CCSER1: variants seen among roughly 807,000 people sequenced by gnomAD.
The protein encoded by CCSER1 is serine-rich coiled-coil domain-containing protein 1.
A neutral mutation model predicts 82.0 loss-of-function variants in CCSER1; 41 were observed. The ratio of observed to expected loss-of-function variants is 0.50; its 90% CI spans 0.39 to 0.65. CCSER1 has a LOEUF of 0.65. CCSER1 is among the 30% of genes least tolerant of loss of function. The probability of loss-of-function intolerance (pLI) is 0.00; values close to 1 mark genes in which losing one functional copy is unlikely to be tolerated. For missense variants in CCSER1, 1,119 were observed against 1,064.2 expected (o/e 1.05, Z -0.72); for synonymous variants, 414 against 383.9 (o/e 1.08, Z -0.92).
intron 1 of CCSER1, among the ~76,000 whole-genome samples, chr4:90,219,554 A>T (rs900130420): frequency 1.3e-5 from 2 of 152,112 alleles, no homozygotes; most frequent in Middle Eastern, 3.4e-3. Context: ...ACTTACCTAA[A>T]CCCTAGTCCC....
At chr4:90,783,975 A>G (rs529069227) in intron 7 of CCSER1, among the ~76,000 whole-genome samples, 3 of 152,170 alleles carry the variant, frequency 2.0e-5, no homozygotes, top group Non-Finnish European at 4.4e-5. Context: ...ACTTACAAAA[A>G]AAAAGAAAAA....
chr4:90,346,581 A>G (rs1433840503), intron 3 of CCSER1, among the ~76,000 whole-genome samples: 2 of 152,024 alleles, frequency 1.3e-5, no homozygotes, highest in African/African-American at 2.4e-5. Context: ...ATTTGTCTAG[A>G]TTTATGAAGA....
At position 91,078,952 on chromosome 4, in the gene CCSER1, T is replaced by C. The variant is rs578110886; in HGVS notation, c.2173-6998T>C. On this transcript the variant is annotated intron_variant, in intron 9 of 10. Coordinates refer to ENST00000509176, the MANE Select transcript of CCSER1 (RefSeq NM_001145065.2). ...GTGAAAAGACCAAATCTACATCTGA[T>C]TGATGTACCTGAAAGTGATGGGGAG... Among the ~76,000 whole-genome samples, 21 of 152,260 alleles carry C rather than the reference T, an allele frequency of 1.4e-4. 1 individual carries two copies. In the South Asian group the frequency reaches 4.2e-3, roughly 30 times the overall value.
intron 1 of CCSER1, among the ~76,000 whole-genome samples, chr4:90,148,383 T>C (rs1042005457): frequency 2.0e-5 from 3 of 152,150 alleles, no homozygotes; most frequent in Non-Finnish European, 1.5e-5. Flanking sequence ...CTTGAAAATA[T>C]TCAATCAAGA....
At chr4:91,080,197 C>T (rs1005692627) in intron 9 of CCSER1, among the ~76,000 whole-genome samples, 2 of 152,118 alleles carry the variant, frequency 1.3e-5, no homozygotes, top group African/African-American at 2.4e-5. Flanking sequence ...TGTAGAAGAA[C>T]AGAAATTGTA....
intron 9 of CCSER1, among the ~76,000 whole-genome samples, chr4:90,953,711 A>G (rs1049605116): frequency 7.2e-5 from 11 of 151,838 alleles, no homozygotes; most frequent in Admixed American, 1.3e-4. Flanking sequence ...TTACAAGTAA[A>G]TGTGCAGATG....
At chr4:91,349,395 G>C (rs1490114621) in intron 10 of CCSER1, among the ~76,000 whole-genome samples, 1 of 148,786 alleles carries the variant, frequency 6.7e-6, no homozygotes, top group Non-Finnish European at 1.5e-5. Context: ...TCTCAGTCAT[G>C]TACTTCTTTC....
At chr4:90,822,623 G>A (rs932733134) in intron 8 of CCSER1, among the ~76,000 whole-genome samples, 6 of 151,234 alleles carry the variant, frequency 4.0e-5, no homozygotes, top group Non-Finnish European at 5.9e-5. Context: ...AGCCACTCCC[G>A]AGGCTGAGAC....
intron 10 of CCSER1, among the ~76,000 whole-genome samples, chr4:91,439,004 A>G (rs973049812): frequency 1.3e-5 from 2 of 152,262 alleles, no homozygotes; most frequent in African/African-American, 4.8e-5. Context: ...CCTATGTCTC[A>G]TTGGTGTACC....
rs988101824 is a variant in CCSER1 at position 90,384,247 on chromosome 4, C to T, written c.1510-15789C>T. On this transcript the variant is annotated intron_variant, in intron 3 of 10. Coordinates refer to ENST00000509176, the MANE Select transcript of CCSER1 (RefSeq NM_001145065.2). ...TGTTGGTGTGCTGCACCCATTAACT[C>T]GTCATTTACATTAGGTATATTTGCT... is the stretch of plus-strand genomic sequence containing the variant. 2.0e-5 allele frequency among the ~76,000 whole-genome samples: 3 copies of T among 151,198 alleles called. No individual in the cohort carries two copies. The East Asian group carries it at 5.9e-4, about 30-fold the overall frequency.
chr4:90,413,994 A>G (rs1258851979), intron 4 of CCSER1, among the ~76,000 whole-genome samples: 1 of 124,338 alleles, frequency 8.0e-6, no homozygotes, highest in Admixed American at 8.3e-5. Context: ...ATATATATAT[A>G]TATATATATA....
intron 10 of CCSER1, among the ~76,000 whole-genome samples, chr4:91,558,110 A>AT (rs5860243): frequency 0.68 from 101,866 of 149,828 alleles, 35,298 homozygotes; most frequent in African/African-American, 0.82. Flanking sequence ...TAATAAAAAA[A>AT]ATATATTTCA....
At chr4:90,411,298 A>C (rs1056094952) in intron 4 of CCSER1, among the ~76,000 whole-genome samples, 2 of 152,190 alleles carry the variant, frequency 1.3e-5, no homozygotes, top group African/African-American at 4.8e-5. Context: ...TCCTGATACC[A>C]AAGCCTGGCA....
intron 4 of CCSER1, among the ~76,000 whole-genome samples, chr4:90,417,456 GA>G (rs1465923073): frequency 2.6e-5 from 4 of 151,886 alleles, no homozygotes; most frequent in African/African-American, 9.7e-5. Context: ...ACAATTTGCA[GA>G]AGAGTTTTTA....
intron 8 of CCSER1, among the ~76,000 whole-genome samples, chr4:90,876,720 G>A (rs1327919179): frequency 2.0e-5 from 3 of 152,066 alleles, no homozygotes; most frequent in African/African-American, 7.2e-5. Context: ...CATTGCCTGT[G>A]TGTGTGAGTT....
chr4:90,945,665 C>T (rs1047993371), intron 9 of CCSER1, among the ~76,000 whole-genome samples: 3 of 152,136 alleles, frequency 2.0e-5, no homozygotes, highest in Non-Finnish European at 2.9e-5. Flanking sequence ...CCTTTAGTGC[C>T]CGAACCGCTA....
At chr4:91,567,967 CTG>C (rs1762976525) in intron 10 of CCSER1, among the ~76,000 whole-genome samples, 1 of 151,980 alleles carries the variant, frequency 6.6e-6, no homozygotes, top group African/African-American at 2.4e-5. Flanking sequence ...ACACTGGTCT[CTG>C]TGTTTAATTG....
In CCSER1 at chr4:91,322,503, A is replaced by C. The variant is rs1009772796; in HGVS notation, c.2217+236509A>C. Reference sequence around the variant, plus strand: ...TGATTTCAATACAGATTATACTCCAAACTCCTAAAGGGTGAATTCCAAGTC... The same window carrying C: ...TGATTTCAATACAGATTATACTCCACACTCCTAAAGGGTGAATTCCAAGTC... On this transcript the variant is annotated intron_variant, in intron 10 of 10. Transcript: ENST00000509176. Among the ~76,000 whole-genome samples the C allele has an allele frequency of 2.6e-5, 4 of 152,220 alleles. No homozygotes were observed. The South Asian group carries it at 6.2e-4, about 24-fold the overall frequency.
At chr4:91,297,365 T>TTGTG (rs764634343) in intron 10 of CCSER1, among the ~76,000 whole-genome samples, 148 of 128,886 alleles carry the variant, frequency 1.1e-3, no homozygotes, top group African/African-American at 3.5e-3. Flanking sequence ...GAATGGATGC[T>TTGTG]TGTGTGTGTG....
Sources: gnomAD v4.1 joint callset for allele counts (sites outside exome capture counted in the v4.1 genomes callset) on GRCh38, gnomAD v4.1.1 for gene constraint, MANE v1.5 for transcripts, NCBI Gene and HGNC (gene_info 2026-07-23, HGNC 2026-07-21) for gene names.